Variants in CCHCR1 observed in about 807,000 individuals in gnomAD.
CCHCR1 encodes the protein HCR (a-helix coiled-coil rod homologue).
A neutral mutation model predicts 114.6 loss-of-function variants in CCHCR1; 91 were observed. That is an observed-to-expected ratio of 0.79 (90% CI 0.67 to 0.94). CCHCR1 has a LOEUF of 0.94. CCHCR1 is among the 40% of genes least tolerant of loss of function. The pLI, the probability that CCHCR1 is intolerant of heterozygous loss-of-function variation, is 0.00. For missense variants in CCHCR1, 899 were observed against 1,079.9 expected (o/e 0.83, Z 2.35); for synonymous variants, 379 against 428.5 (o/e 0.88, Z 1.43).
Position 31,150,933 on chromosome 6 carries a change from G to A in CCHCR1, c.965+26C>T. 1.2e-6 allele frequency: 2 copies of A among 1,611,506 alleles called. No homozygotes were observed. Among genetic ancestry groups the A allele is most frequent in the South Asian group, 2.2e-5 (2 of 90,984 alleles). ...GATCCACCACATCACTAATTGCTGG[G>A]CTCCCGTCGGCGTCCGCCCACCTAC... On this transcript the variant is annotated intron_variant, in intron 5 of 17. Coordinates refer to ENST00000396268, the MANE Select transcript of CCHCR1 (RefSeq NM_001105564.2). This position sits in a 1 kb window ranked among gnomAD's most constrained non-coding sequence, Gnocchi z 5.3.
Position 31,150,253 on chromosome 6 carries a change from G to T in CCHCR1, c.1213-38C>A, listed in dbSNP as rs989429277. 5 of 1,606,666 alleles carry T rather than the reference G, an allele frequency of 3.1e-6. No homozygotes were observed. Among genetic ancestry groups the T allele is most frequent in the Non-Finnish European group, 4.3e-6 (5 of 1,174,478 alleles). On this transcript the variant is annotated intron_variant, in intron 7 of 17. Transcript: ENST00000396268. The surrounding 1 kb of genome is among the most constrained non-coding windows in gnomAD (Gnocchi z 5.3). ...GAGTGGGAGAAAAGTGTGGGCTCCT[G>T]GGGGAGGAGAGGAAGGAGGTGGCAT...
At chr6:31,157,914 A>C, upstream of CCHCR1, 1 of 430,746 alleles carries the variant, frequency 2.3e-6, no homozygotes, top group Non-Finnish European at 4.2e-6. Context: ...TCTGGTCCTG[A>C]CCCTCACCCC....
chr6:31,144,946 GCT>G lies in CCHCR1; in HGVS notation c.2002_2003del (p.Ser668HisfsTer28). The G allele has an allele frequency of 6.2e-7, 1 of 1,611,950 alleles. No individual in the cohort carries two copies. Among genetic ancestry groups the G allele is most frequent in the Non-Finnish European group, 8.5e-7 (1 of 1,179,984 alleles). ...LEVARQGQQE[S>X]TEEAASLRQE... ...GCCGCAGACTGGCAGCCTCCTCTGT[GCT>G]CTCCTGCTGGCCCTGGCGTGCTACC... On this transcript the variant is annotated frameshift_variant, in exon 14 of 18. Coordinates refer to ENST00000396268, the MANE Select transcript of CCHCR1 (RefSeq NM_001105564.2). LOFTEE classifies it high-confidence loss of function. This position sits in a 1 kb window ranked among gnomAD's most constrained non-coding sequence, Gnocchi z 4.6.
chr6:31,145,628 G>C (rs973771238), intron 11 of CCHCR1, 68 bp downstream of exon 11: 24 of 1,447,646 alleles, frequency 1.7e-5, no homozygotes, highest in Non-Finnish European at 2.3e-5. Context: ...GAGAGAGCTG[G>C]GTCAGGAAGA....
At position 31,143,710 on chromosome 6, in the gene CCHCR1, T is replaced by C. The variant is rs1044218116; in HGVS notation, c.2168-297A>G. Reference sequence around the variant, plus strand: ...TAGTGTTCACTGTCTTAAAGTGTGATGATTGCAGCTATATAGGAGAATTTA... The same window carrying C: ...TAGTGTTCACTGTCTTAAAGTGTGACGATTGCAGCTATATAGGAGAATTTA... On this transcript the variant is annotated intron_variant, in intron 15 of 17. Coordinates refer to ENST00000396268, the MANE Select transcript of CCHCR1 (RefSeq NM_001105564.2). The surrounding 1 kb of genome is among the most constrained non-coding windows in gnomAD (Gnocchi z 5.3). 2.0e-5 allele frequency among the ~76,000 whole-genome samples: 3 copies of C among 152,198 alleles called. No homozygotes were observed. Among genetic ancestry groups the C allele is most frequent in the African/African-American group, 7.2e-5 (3 of 41,448 alleles).
intron 3 of CCHCR1, chr6:31,156,326 C>T (rs1339613472): frequency 1.4e-5 from 3 of 207,766 alleles, no homozygotes; most frequent in African/African-American, 2.3e-5. Flanking sequence ...ACAGATAATA[C>T]GACAGCATGG....
Position 31,156,724 on chromosome 6 carries a change from T to A in CCHCR1, c.497+7A>T. The A allele has an allele frequency of 6.2e-7, 1 of 1,608,724 alleles. No individual in the cohort carries two copies. The highest frequency in any genetic ancestry group is 8.5e-7 in the Non-Finnish European group (1 of 1,178,666). ...AGCCTGAGAAAACGGCGTGGATGGA[T>A]CCCTACCTGCCTCTCCGCCCTGGCT... is the stretch of plus-strand genomic sequence containing the variant. On this transcript the variant is annotated splice_region_variant and intron_variant, in intron 3 of 17. Coordinates refer to ENST00000396268, the MANE Select transcript of CCHCR1 (RefSeq NM_001105564.2).
chr6:31,157,653 A>C lies in CCHCR1; in HGVS notation c.-53T>G. ...GGGAATCCAGGCCGCCTAGATCCCC[A>C]GGCAGAAAAGCCAGCGTCCTGACAT... On this transcript the variant is annotated 5_prime_UTR_variant, in exon 1 of 18. Coordinates refer to ENST00000396268, the MANE Select transcript of CCHCR1 (RefSeq NM_001105564.2). The C allele has an allele frequency of 2.1e-6, 3 of 1,445,330 alleles. No homozygotes were observed. Among genetic ancestry groups the C allele is most frequent in the Admixed American group, 2.1e-5 (1 of 48,494 alleles). The allele number at this position is 1,445,330 out of a possible 1,614,324, so 89.5% of individuals were successfully genotyped here. A position where few individuals can be genotyped will look rare whatever the true frequency, so the allele number is the denominator to read the frequency against.
chr6:31,154,792 C>T lies in CCHCR1; in HGVS notation c.505G>A (p.Gly169Arg), dbSNP rs1348614034. 1.2e-6 allele frequency: 2 copies of T among 1,601,754 alleles called. No homozygotes were observed. Among genetic ancestry groups the T allele is most frequent in the South Asian group, 2.2e-5 (2 of 90,910 alleles). ...QEPGRRGRSW[G>R]LEGSQALSQQ... ...CTCAGGGCCTGTGACCCCTCCAGCC[C>T]CCAGGACCTTCAAAGACAGGTTAGT... The change falls in exon 4 of 18, where the codon GGG (glycine) becomes AGG (arginine). Residue 169 changes from glycine (G) to arginine (R), a missense_variant. Gly to Arg is a moderately radical substitution (Grantham distance 125). Coordinates refer to ENST00000396268, the MANE Select transcript of CCHCR1 (RefSeq NM_001105564.2). The surrounding 1 kb of genome is among the most constrained non-coding windows in gnomAD (Gnocchi z 4.1).
intron 4 of CCHCR1, among the ~76,000 whole-genome samples, chr6:31,153,581 TTTTTA>T (rs140047404): frequency 0.2 from 29,716 of 151,888 alleles, 3,064 homozygotes; most frequent in Middle Eastern, 0.25. Flanking sequence ...CCCAGTTCCT[TTTTTA>T]TTTTATTTTT....
Position 31,151,130 on chromosome 6 carries a change from A to AAGAAGAGGGGGCTCAG in CCHCR1, c.802-24_802-9dup. The AAGAAGAGGGGGCTCAG allele has an allele frequency of 6.2e-7, 1 of 1,610,684 alleles. No homozygotes were observed. Among genetic ancestry groups the AAGAAGAGGGGGCTCAG allele is most frequent in the Non-Finnish European group, 8.5e-7 (1 of 1,178,970 alleles). ...CTGTGTCAAAGAGGACAGCTGCGGA[A>AAGAAGAGGGGGCTCAG]AGAAGAGGGGGCTCAGCAGAGGCTC... On this transcript the variant is annotated splice_polypyrimidine_tract_variant and intron_variant, in intron 4 of 17. Transcript: ENST00000396268. The surrounding 1 kb of genome is among the most constrained non-coding windows in gnomAD (Gnocchi z 4.1).
rs543595232 is a variant in CCHCR1 at position 31,154,704 on chromosome 6, C to A, written c.593G>T (p.Arg198Leu). ...QELRRLEEEV[R>L]LLRETSLQQK... ...CTGCAGCGAGGTCTCCCGCAGGAGCCGGACCTCCTCCTCCAGCCGCCGCAG... is the reference window on the plus strand; with the variant it reads ...CTGCAGCGAGGTCTCCCGCAGGAGCAGGACCTCCTCCTCCAGCCGCCGCAG... The change falls in exon 4 of 18, where the codon CGG becomes CTG. Residue 198 changes from arginine (R) to leucine (L), a missense_variant. By Grantham distance (102) the Arg-to-Leu change is moderately radical (BLOSUM62 -2). Transcript: ENST00000396268. This position sits in a 1 kb window ranked among gnomAD's most constrained non-coding sequence, Gnocchi z 4.1. 1.2e-6 allele frequency: 2 copies of A among 1,609,794 alleles called. No individual in the cohort carries two copies. Among genetic ancestry groups the A allele is most frequent in the Non-Finnish European group, 1.7e-6 (2 of 1,179,908 alleles).
Position 31,150,903 on chromosome 6 carries a change from C to G in CCHCR1, c.966-43G>C. ...ATGGGACAGCCATCAGTGGGGCGCCCTGCAGATCCACCACATCACTAATTG... is the reference window on the plus strand; with the variant it reads ...ATGGGACAGCCATCAGTGGGGCGCCGTGCAGATCCACCACATCACTAATTG... On this transcript the variant is annotated intron_variant, in intron 5 of 17. Coordinates refer to ENST00000396268, the MANE Select transcript of CCHCR1 (RefSeq NM_001105564.2). This position sits in a 1 kb window ranked among gnomAD's most constrained non-coding sequence, Gnocchi z 5.3. 2.5e-6 allele frequency: 4 copies of G among 1,611,424 alleles called. No individual in the cohort carries two copies. Among genetic ancestry groups the G allele is most frequent in the Non-Finnish European group, 3.4e-6 (4 of 1,179,082 alleles).
chr6:31,147,123 A>G (rs2240060), intron 10 of CCHCR1, among the ~76,000 whole-genome samples: 108,591 of 152,048 alleles, frequency 0.71, 38,711 homozygotes, highest in Middle Eastern at 0.78. Flanking sequence ...CCTGCCGGCC[A>G]GGCACGGTGG....
In CCHCR1 at chr6:31,143,440, G is replaced by C; in HGVS notation, c.2168-27C>G. On this transcript the variant is annotated intron_variant, in intron 15 of 17. Transcript: ENST00000396268. This position sits in a 1 kb window ranked among gnomAD's most constrained non-coding sequence, Gnocchi z 5.3. ...TACAGAGAGGCCAAGGCACAGAGGAGGCAGGTGTGAGTCAGGCCAGAGGCA... is the reference window on the plus strand; with the variant it reads ...TACAGAGAGGCCAAGGCACAGAGGACGCAGGTGTGAGTCAGGCCAGAGGCA... The C allele has an allele frequency of 1.2e-6, 2 of 1,610,228 alleles. No homozygotes were observed. Among genetic ancestry groups the C allele is most frequent in the Non-Finnish European group, 8.5e-7 (1 of 1,178,752 alleles).
chr6:31,154,707 A>ACCT lies in CCHCR1; in HGVS notation c.587_589dup (p.Glu196dup). 6.2e-7 allele frequency: 1 copy of ACCT among 1,608,482 alleles called. No individual in the cohort carries two copies. The highest frequency in any genetic ancestry group is 8.5e-7 in the Non-Finnish European group (1 of 1,179,744). On this transcript the variant is annotated inframe_insertion, in exon 4 of 18. Transcript: ENST00000396268. This position sits in a 1 kb window ranked among gnomAD's most constrained non-coding sequence, Gnocchi z 4.1. Reference sequence around the variant, plus strand: ...CAGCGAGGTCTCCCGCAGGAGCCGGACCTCCTCCTCCAGCCGCCGCAGCTC... The same window carrying ACCT: ...CAGCGAGGTCTCCCGCAGGAGCCGGACCTCCTCCTCCTCCAGCCGCCGCAGCTC...
intron 2 of CCHCR1, 38 bp from the exon 3 acceptor site, chr6:31,156,982 G>C: frequency 6.2e-7 from 1 of 1,611,880 alleles, no homozygotes; most frequent in Non-Finnish European, 8.5e-7. Context: ...CAGTTTCCCA[G>C]GCAGAGACAA....
intron 4 of CCHCR1, among the ~76,000 whole-genome samples, chr6:31,152,672 C>T (rs1201916314): frequency 2.0e-5 from 3 of 152,176 alleles, no homozygotes; most frequent in East Asian, 1.9e-4. Context: ...ATGGGGGTCT[C>T]GCTTTGTTGC....
rs1455856230 is a variant in CCHCR1, at chr6:31,154,518, A to C, written c.779T>G (p.Val260Gly). The change falls in exon 4 of 18, where the codon GTT (valine) becomes GGT (glycine). Residue 260 changes from valine (V) to glycine (G), a missense_variant. Physicochemically the swap from Val to Gly is moderately radical, Grantham distance 109. Transcript: ENST00000396268. The surrounding 1 kb of genome is among the most constrained non-coding windows in gnomAD (Gnocchi z 4.1). ...EEGSQRELEEVQRLHQEQLSS... is the reference protein window; with the variant it reads ...EEGSQRELEEGQRLHQEQLSS... ...CACCTGCTCTTGGTGCAGCCTCTGA[A>C]CCTCTTCCAGCTCCCGCTGGCTCCC... 6 of 1,612,150 alleles carry C rather than the reference A, an allele frequency of 3.7e-6. No individual in the cohort carries two copies. The highest frequency in any genetic ancestry group is 5.1e-6 in the Non-Finnish European group (6 of 1,179,438).
Sources: gnomAD v4.1 joint callset for allele counts (sites outside exome capture counted in the v4.1 genomes callset) on GRCh38, gnomAD v4.1.1 for gene constraint, Gnocchi (gnomAD v3.1) non-coding constraint, MANE v1.5 for transcripts, NCBI Gene and HGNC (gene_info 2026-07-23, HGNC 2026-07-21) for gene names.